INPP4B: variants seen among roughly 807,000 people sequenced by gnomAD.
The protein encoded by INPP4B is inositol polyphosphate 4-phosphatase type II.
A neutral mutation model predicts 122.5 loss-of-function variants in INPP4B; 55 were observed. That is an observed-to-expected ratio of 0.45 (90% CI 0.36 to 0.56). The LOEUF is 0.56. Among genes scored for constraint, INPP4B ranks in the 20% least tolerant of loss-of-function variants. The pLI is 0.00. For synonymous variants in INPP4B, 403 were observed against 388.7 expected (o/e 1.04, Z -0.43); for missense variants, 1,000 against 1,097.7 (o/e 0.91, Z 1.26).
intron 2 of INPP4B, among the ~76,000 whole-genome samples, chr4:142,656,600 C>A (rs996441345): frequency 1.3e-5 from 2 of 152,124 alleles, no homozygotes; most frequent in Non-Finnish European, 2.9e-5. Context: ...CTGGTCCTAA[C>A]CACTTCCCGT....
At chr4:142,363,074 T>A (rs1579850216) in intron 7 of INPP4B, among the ~76,000 whole-genome samples, 1 of 152,042 alleles carries the variant, frequency 6.6e-6, no homozygotes, top group East Asian at 1.9e-4. Flanking sequence ...GTACTTTTAT[T>A]CTCTAAATGC....
At chr4:142,700,134 T>C (rs1251510547) in intron 2 of INPP4B, among the ~76,000 whole-genome samples, 3 of 152,162 alleles carry the variant, frequency 2.0e-5, no homozygotes, top group Non-Finnish European at 2.9e-5. Context: ...CTTGAAACCA[T>C]TCCAATCAAG....
intron 7 of INPP4B, among the ~76,000 whole-genome samples, chr4:142,344,785 A>C (rs1779791766): frequency 6.6e-6 from 1 of 151,968 alleles, no homozygotes; most frequent in Non-Finnish European, 1.5e-5. Context: ...TACCTGGGGG[A>C]TGAAATAATC....
chr4:142,264,980 C>A (rs1742064375), intron 10 of INPP4B, among the ~76,000 whole-genome samples: 1 of 140,638 alleles, frequency 7.1e-6, no homozygotes, highest in Non-Finnish European at 1.5e-5. Context: ...CTCTCTCTCC[C>A]TCTCTCTCCC....
At chr4:142,337,686 T>A (rs1056033394) in intron 7 of INPP4B, among the ~76,000 whole-genome samples, 4 of 142,734 alleles carry the variant, frequency 2.8e-5, no homozygotes, top group African/African-American at 1.0e-4. Context: ...ATATATATAT[T>A]ATATATATTA....
At chr4:142,717,670 C>T (rs1011612807) in intron 2 of INPP4B, among the ~76,000 whole-genome samples, 1 of 151,884 alleles carries the variant, frequency 6.6e-6, no homozygotes, top group Non-Finnish European at 1.5e-5. Context: ...TGTTGTCACT[C>T]ATAGGTGGGA....
chr4:142,257,353 A>G (rs970503039), intron 11 of INPP4B, among the ~76,000 whole-genome samples: 4 of 152,180 alleles, frequency 2.6e-5, no homozygotes, highest in African/African-American at 9.7e-5. Flanking sequence ...AGTTCTGGCC[A>G]GGGCAATTAG....
intron 16 of INPP4B, among the ~76,000 whole-genome samples, chr4:142,170,800 T>C (rs1391228542): frequency 6.6e-6 from 1 of 151,766 alleles, no homozygotes; most frequent in Non-Finnish European, 1.5e-5. Context: ...TTTTTCTACC[T>C]TTTCTGTTGA....
intron 2 of INPP4B, among the ~76,000 whole-genome samples, chr4:142,585,665 G>T (rs74467510): frequency 0.014 from 2,143 of 152,124 alleles, 39 homozygotes; most frequent in African/African-American, 0.041. Flanking sequence ...GTTCCAGAAA[G>T]CTGCTCACAG....
At chr4:142,296,559 C>T (rs1368390034) in intron 9 of INPP4B, among the ~76,000 whole-genome samples, 1 of 152,204 alleles carries the variant, frequency 6.6e-6, no homozygotes, top group Non-Finnish European at 1.5e-5. Context: ...GTGTCAGACA[C>T]TGTTGTAAGA....
chr4:142,680,954 T>C (rs1758533288), intron 2 of INPP4B, among the ~76,000 whole-genome samples: 1 of 151,894 alleles, frequency 6.6e-6, no homozygotes, highest in Non-Finnish European at 1.5e-5. Context: ...CAGACATTCA[T>C]GAAAGTCAGA....
intron 2 of INPP4B, among the ~76,000 whole-genome samples, chr4:142,693,673 C>G (rs1010070419): frequency 6.6e-6 from 1 of 152,086 alleles, no homozygotes; most frequent in Non-Finnish European, 1.5e-5. Context: ...AATTTACTTA[C>G]ATGATTTTTT....
chr4:142,784,929 A>G (rs1412853180), intron 1 of INPP4B, among the ~76,000 whole-genome samples: 3 of 152,084 alleles, frequency 2.0e-5, no homozygotes, highest in Non-Finnish European at 4.4e-5. Context: ...AGAGCTAAGA[A>G]ATACTTGTGG....
Position 142,708,189 on chromosome 4 carries a change from C to G in INPP4B, c.-191+17650G>C, listed in dbSNP as rs1762682641. On this transcript the variant is annotated intron_variant, in intron 2 of 25. Coordinates refer to ENST00000262992, the MANE Select transcript of INPP4B (RefSeq NM_001101669.3). ...GCTTGGCTGCTTCTAACAACATATG[C>G]TCATATGTGTAGGCAAAGAGATGAT... Among the ~76,000 whole-genome samples the G allele has an allele frequency of 2.6e-5, 4 of 152,218 alleles. No individual in the cohort carries two copies. The South Asian group carries it at 8.3e-4, about 32-fold the overall frequency.
At chr4:142,470,240 A>T (rs983468589) in intron 2 of INPP4B, among the ~76,000 whole-genome samples, 9 of 152,132 alleles carry the variant, frequency 5.9e-5, no homozygotes, top group African/African-American at 2.2e-4. Flanking sequence ...ACCAAAATCT[A>T]TTTTGTACAA....
chr4:142,738,404 A>G (rs1165966147), intron 1 of INPP4B, among the ~76,000 whole-genome samples: 5 of 152,138 alleles, frequency 3.3e-5, no homozygotes, highest in Admixed American at 2.6e-4. Flanking sequence ...GTGGGAATTG[A>G]ACAATGAGAA....
At chr4:142,333,029 A>AG in intron 7 of INPP4B, among the ~76,000 whole-genome samples, 1 of 117,576 alleles carries the variant, frequency 8.5e-6, no homozygotes, top group East Asian at 2.3e-4. Context: ...AAAAAAAAAC[A>AG]AAAAAAAAAC....
chr4:142,559,908 A>G, intron 2 of INPP4B, among the ~76,000 whole-genome samples: 1 of 58,022 alleles, frequency 1.7e-5, no homozygotes, highest in East Asian at 4.9e-3. Flanking sequence ...CACTCATGAA[A>G]TAGTTTTTAT....
At chr4:142,825,400 T>C (rs184209613) in intron 1 of INPP4B, among the ~76,000 whole-genome samples, 6 of 152,304 alleles carry the variant, frequency 3.9e-5, no homozygotes, top group Non-Finnish European at 8.8e-5. Flanking sequence ...TGGTTGACTT[T>C]ATTACCAGCA....
Sources: gnomAD v4.1 joint callset for allele counts (sites outside exome capture counted in the v4.1 genomes callset) on GRCh38, gnomAD v4.1.1 for gene constraint, MANE v1.5 for transcripts, NCBI Gene and HGNC (gene_info 2026-07-23, HGNC 2026-07-21) for gene names.